ADAM22: variants seen among roughly 807,000 people sequenced by gnomAD.
ADAM22 encodes the protein disintegrin and metalloproteinase domain-containing protein 22.
Under a neutral mutation model 144.6 loss-of-function variants are expected in ADAM22, and 65 were observed. The observed-to-expected ratio is 0.45, with a 90% CI of 0.37 to 0.55. The LOEUF is 0.55. ADAM22 is among the 20% of genes least tolerant of loss of function. The pLI, the probability that ADAM22 is intolerant of heterozygous loss-of-function variation, is 0.00. For synonymous variants in ADAM22, 391 were observed against 412.6 expected (o/e 0.95, Z 0.63); for missense variants, 974 against 1,184.9 (o/e 0.82, Z 2.61).
chr7:88,174,995 C>T (rs542125704), intron 26 of ADAM22, among the ~76,000 whole-genome samples: 154 of 152,192 alleles, frequency 1.0e-3, no homozygotes, highest in Non-Finnish European at 1.7e-3. Flanking sequence ...TAATAAGAGA[C>T]AGCCCAGATG....
At chr7:87,938,466 A>C (rs113634549) in intron 2 of ADAM22, among the ~76,000 whole-genome samples, 376 of 151,224 alleles carry the variant, frequency 2.5e-3, no homozygotes, top group South Asian at 8.4e-3. Context: ...TGATCCTCCC[A>C]CCTCGGCCAC....
At chr7:88,186,743 C>G in intron 30 of ADAM22, 42 bp downstream of exon 30, 1 of 1,225,322 alleles carries the variant, frequency 8.2e-7, no homozygotes, top group Admixed American at 1.7e-5. Context: ...CAAACTCTCC[C>G]AGCACATACA....
chr7:87,938,123 TA>T (rs1841679458), intron 2 of ADAM22, among the ~76,000 whole-genome samples: 2 of 151,776 alleles, frequency 1.3e-5, no homozygotes, highest in South Asian at 4.2e-4. Context: ...TTGAAAAACA[TA>T]AGTTGATTTT....
At chr7:88,171,995 T>TCATA (rs989418457) in intron 26 of ADAM22, among the ~76,000 whole-genome samples, 72 of 151,966 alleles carry the variant, frequency 4.7e-4, no homozygotes, top group African/African-American at 1.7e-3. Context: ...TAATATCCAT[T>TCATA]CATAAGTGAC....
intron 24 of ADAM22, 23 bp from the exon 25 acceptor site, chr7:88,168,114 T>G (rs748971432): frequency 6.2e-7 from 1 of 1,605,380 alleles, no homozygotes; most frequent in Non-Finnish European, 8.5e-7. Flanking sequence ...CTGATCTTCC[T>G]TCTTTCTTTT....
At chr7:87,980,430 ATTGTC>A (rs1853091698) in intron 3 of ADAM22, among the ~76,000 whole-genome samples, 2 of 151,982 alleles carry the variant, frequency 1.3e-5, no homozygotes, top group East Asian at 1.9e-4. Context: ...CAGTTTGTGT[ATTGTC>A]TTAAGTTGGT....
At chr7:87,960,049 C>T (rs912364753) in intron 2 of ADAM22, among the ~76,000 whole-genome samples, 2 of 152,020 alleles carry the variant, frequency 1.3e-5, no homozygotes, top group African/African-American at 4.8e-5. Context: ...AATCTGGGCC[C>T]AGCATTAGAT....
chr7:87,980,860 C>G (rs892374770), intron 3 of ADAM22, among the ~76,000 whole-genome samples: 1 of 152,092 alleles, frequency 6.6e-6, no homozygotes, highest in African/African-American at 2.4e-5. Context: ...TGAAATTTCA[C>G]TCTTTAGGAC....
chr7:88,151,415 A>G, intron 20 of ADAM22, 95 bp downstream of exon 20: 4 of 1,371,110 alleles, frequency 2.9e-6, no homozygotes, highest in Non-Finnish European at 4.1e-6. Context: ...TGACTACTTT[A>G]TGACTGGGGG....
chr7:88,151,069 A>G lies in ADAM22; in HGVS notation c.1617+38A>G, dbSNP rs757140206. On this transcript the variant is annotated intron_variant, in intron 19 of 31. Transcript: ENST00000413139. ...ATTTTTACCTATGTTTTTCACATGT[A>G]CCAGCATGAAAGGAATACTGAAATC... The G allele has an allele frequency of 5.0e-6, 8 of 1,591,172 alleles. No individual in the cohort carries two copies. The Admixed American group carries it at 1.2e-4, about 23-fold the overall frequency.
chr7:88,100,716 A>G (rs928854067), intron 4 of ADAM22, among the ~76,000 whole-genome samples: 2 of 152,276 alleles, frequency 1.3e-5, no homozygotes, highest in Admixed American at 6.5e-5. Flanking sequence ...CGGTCTCACT[A>G]TGTTGCTCAG....
At chr7:87,972,891 T>C (rs1293595352) in intron 2 of ADAM22, among the ~76,000 whole-genome samples, 2 of 152,194 alleles carry the variant, frequency 1.3e-5, no homozygotes, top group Non-Finnish European at 1.5e-5. Flanking sequence ...GCTAGCCATA[T>C]GTAGAAAGCT....
intron 22 of ADAM22, among the ~76,000 whole-genome samples, chr7:88,159,440 A>C (rs1840941643): frequency 6.6e-6 from 1 of 152,126 alleles, no homozygotes. Context: ...AAAACATGGC[A>C]GAGACTCTAC....
At chr7:87,979,537 T>C (rs988596728) in intron 3 of ADAM22, among the ~76,000 whole-genome samples, 1 of 152,178 alleles carries the variant, frequency 6.6e-6, no homozygotes, top group East Asian at 1.9e-4. Flanking sequence ...CATTGCCATT[T>C]TTATAGGTCA....
intron 3 of ADAM22, among the ~76,000 whole-genome samples, chr7:88,072,746 C>T (rs991002363): frequency 2.0e-5 from 3 of 152,180 alleles, no homozygotes; most frequent in African/African-American, 7.2e-5. Flanking sequence ...ACCTGGCTGG[C>T]TCTGCTGATA....
chr7:87,957,686 T>G (rs1281787538), intron 2 of ADAM22, among the ~76,000 whole-genome samples: 6 of 152,138 alleles, frequency 3.9e-5, no homozygotes, highest in African/African-American at 1.4e-4. Context: ...GTTCAAGCAA[T>G]TCTCCTGCCT....
At chr7:87,954,159 T>A (rs939181039) in intron 2 of ADAM22, among the ~76,000 whole-genome samples, 9 of 152,142 alleles carry the variant, frequency 5.9e-5, no homozygotes, top group African/African-American at 1.7e-4. Flanking sequence ...GTTAATATTG[T>A]TATGTGTGAA....
At chr7:87,985,956 G>A (rs893308113) in intron 3 of ADAM22, among the ~76,000 whole-genome samples, 1 of 152,032 alleles carries the variant, frequency 6.6e-6, no homozygotes, top group African/African-American at 2.4e-5. Context: ...CTATTTTGCA[G>A]GAGGGATGAT....
At chr7:87,958,376 AT>A (rs954414827) in intron 2 of ADAM22, among the ~76,000 whole-genome samples, 10 of 151,294 alleles carry the variant, frequency 6.6e-5, no homozygotes, top group African/African-American at 1.7e-4. Context: ...GTTTTTTTAA[AT>A]TTTTTTTATT....
Sources: allele counts gnomAD v4.1 joint callset (sites outside exome capture counted in the v4.1 genomes callset), GRCh38; gene constraint gnomAD v4.1.1; transcripts MANE v1.5; gene names NCBI Gene and HGNC (gene_info 2026-07-23, HGNC 2026-07-21).